The following CD300LG variants were observed in gnomAD, a reference collection of about 807,000 sequenced individuals.
CD300LG encodes CD300 molecule like family member g.
A neutral mutation model predicts 31.5 loss-of-function variants in CD300LG; 29 were observed. That is an observed-to-expected ratio of 0.92 (90% CI 0.68 to 1.25). The LOEUF is 1.25. CD300LG is among the 50% of genes most tolerant of loss of function. The pLI is 0.00. For missense variants in CD300LG, 396 were observed against 417.6 expected (o/e 0.95, Z 0.45); for synonymous variants, 175 against 177.2 (o/e 0.99, Z 0.10).
intron 2 of CD300LG, among the ~76,000 whole-genome samples, chr17:43,851,776 C>A (rs1418409055): frequency 6.6e-6 from 1 of 150,422 alleles, no homozygotes; most frequent in East Asian, 2.0e-4. Context: ...AGGATGGTCT[C>A]GATCTCCTGA....
chr17:43,859,540 A>G (rs2046611171), intron 6 of CD300LG, among the ~76,000 whole-genome samples: 1 of 152,228 alleles, frequency 6.6e-6, no homozygotes, highest in East Asian at 1.9e-4. Context: ...CTCTTTCCTC[A>G]AACTCAGTCA....
In CD300LG at chr17:43,857,456, C is replaced by G. The variant is rs565652128; in HGVS notation, c.885+300C>G. 85 of 1,537,168 alleles carry G rather than the reference C, an allele frequency of 5.5e-5. No homozygotes were observed. The African/African-American group carries it at 9.7e-4, about 18-fold the overall frequency. ...CTCCAGGCGCCTTCTTTCCATCCCC[C>G]CTTTTAGAATCACAGAACATCAGAG... On this transcript the variant is annotated intron_variant, in intron 6 of 6. Transcript: ENST00000317310.
At position 43,852,946 on chromosome 17, in the gene CD300LG, C is replaced by T; in HGVS notation, c.414C>T (p.Phe138=). The T allele has an allele frequency of 6.2e-7, 1 of 1,613,278 alleles. No individual in the cohort carries two copies. The highest frequency in any genetic ancestry group is 8.5e-7 in the Non-Finnish European group (1 of 1,179,636). Residue 138 remains phenylalanine, a synonymous_variant, in exon 3 of 7, where the codon TTC becomes TTT. Coordinates refer to ENST00000317310, the MANE Select transcript of CD300LG (RefSeq NM_145273.4). ...GTCCTCCCTCCCCTTCTCCCACCTT[C>T]CAGCCTCTGGCTACAACACGCCTGC... The part of the protein sequence containing the change: ...PCCPPSPSPT[F]QPLATTRLQP...
At chr17:43,855,632 G>T (rs1418808723) in intron 5 of CD300LG, 1 of 217,834 alleles carries the variant, frequency 4.6e-6, no homozygotes, top group African/African-American at 2.3e-5. Context: ...GGAACCAACT[G>T]CCAGGGGCAG....
chr17:43,853,777 G>T, intron 3 of CD300LG, 30 bp from the exon 4 acceptor site: 1 of 1,566,770 alleles, frequency 6.4e-7, no homozygotes, highest in Non-Finnish European at 8.8e-7. Flanking sequence ...GGTCAGGAAG[G>T]ATGCTGAGGC....
chr17:43,854,949 G>A (rs2046470038), intron 4 of CD300LG, among the ~76,000 whole-genome samples: 1 of 152,136 alleles, frequency 6.6e-6, no homozygotes, highest in African/African-American at 2.4e-5. Context: ...CTTATCCAAG[G>A]TATAGAAAGG....
chr17:43,848,212 A>C (rs2046240270), intron 1 of CD300LG, among the ~76,000 whole-genome samples: 1 of 152,192 alleles, frequency 6.6e-6, no homozygotes, highest in African/African-American at 2.4e-5. Context: ...ACTGCACTCC[A>C]GCCTGGGCGG....
chr17:43,861,283 G>A (rs1026493246), intron 6 of CD300LG: 6 of 985,198 alleles, frequency 6.1e-6, no homozygotes, highest in African/African-American at 5.2e-5. Context: ...GGGAAGGGAG[G>A]GGCTGAGGAG....
At position 43,857,901 on chromosome 17, in the gene CD300LG, G is replaced by A. The variant is rs564250114; in HGVS notation, c.885+745G>A. 12 of 1,536,558 alleles carry A rather than the reference G, an allele frequency of 7.8e-6. No homozygotes were observed. The Admixed American group carries it at 1.6e-4, about 20-fold the overall frequency. ...CTGGGGACCAGGGGCAAGAGAATAA[G>A]GGTCCCTGTGCCCATTGTCTGGAGC... On this transcript the variant is annotated intron_variant, in intron 6 of 6. Transcript: ENST00000317310.
At chr17:43,857,812 G>C (rs2046568866) in intron 6 of CD300LG, 1 of 1,537,272 alleles carries the variant, frequency 6.5e-7, no homozygotes, top group Non-Finnish European at 8.7e-7. Flanking sequence ...TTTTCTCTGA[G>C]CCTGCCTTGG....
rs551651195 is a variant in CD300LG, at chr17:43,861,015, G to A, written c.886-783G>A. ...CAGGAGCTTAGTATTCTCCCCTCCC[G>A]GCACCTCCCTGCCTTGCCCACCCCT... On this transcript the variant is annotated intron_variant, in intron 6 of 6. Coordinates refer to ENST00000317310, the MANE Select transcript of CD300LG (RefSeq NM_145273.4). 1.2e-3 allele frequency: 903 copies of A among 760,840 alleles called. 2 individuals carry two copies. The highest frequency in any genetic ancestry group is 3.6e-3 in the South Asian group (60 of 16,736). 47.1% of individuals were successfully genotyped at this position (760,840 alleles called of 1,614,324 possible).
chr17:43,858,348 C>T, intron 6 of CD300LG: 1 of 997,298 alleles, frequency 1.0e-6, no homozygotes, highest in Non-Finnish European at 1.2e-6. Context: ...CCTCCTGGCT[C>T]TGCGGGCTAG....
intron 2 of CD300LG, among the ~76,000 whole-genome samples, chr17:43,851,640 ATTTTTTTT>A (rs60784804): frequency 4.5e-5 from 5 of 111,866 alleles, no homozygotes; most frequent in Admixed American, 9.1e-5. Flanking sequence ...GAGGACAGGA[ATTTTTTTT>A]TTTTTTTTTT....
chr17:43,850,998 A>G (rs1009419421), intron 2 of CD300LG, among the ~76,000 whole-genome samples: 9 of 151,906 alleles, frequency 5.9e-5, no homozygotes, highest in Admixed American at 2.0e-4. Context: ...AGCCGGGCAT[A>G]GTGGCAGGTG....
At chr17:43,851,265 A>G (rs937692811) in intron 2 of CD300LG, among the ~76,000 whole-genome samples, 13 of 152,100 alleles carry the variant, frequency 8.5e-5, no homozygotes, top group African/African-American at 3.1e-4. Context: ...AGTGTTACAG[A>G]TTGAGTATCC....
chr17:43,854,263 C>T (rs761721308), intron 4 of CD300LG, among the ~76,000 whole-genome samples: 2 of 152,250 alleles, frequency 1.3e-5, no homozygotes, highest in African/African-American at 2.4e-5. Flanking sequence ...GTGAAGGGTC[C>T]ACCAGGATCC....
At chr17:43,858,381 G>C (rs1403929565) in intron 6 of CD300LG, 1 of 990,238 alleles carries the variant, frequency 1.0e-6, no homozygotes, top group African/African-American at 1.7e-5. Context: ...ACCCCACCTA[G>C]CTCCAGAAGA....
rs759032635 is a variant in CD300LG, at chr17:43,854,027, T to C, written c.702T>C (p.Ser234=). The C allele has an allele frequency of 6.2e-7, 1 of 1,613,948 alleles. No homozygotes were observed. Among genetic ancestry groups the C allele is most frequent in the South Asian group, 1.1e-5 (1 of 91,082 alleles). Residue 234 remains serine, a synonymous_variant, in exon 4 of 7, where the codon AGT becomes AGC. Coordinates refer to ENST00000317310, the MANE Select transcript of CD300LG (RefSeq NM_145273.4). ...SAEDTSPALS[S]GSSKPRVSIP... ...AGGACACCAGTCCAGCTCTCAGCAG[T>C]GGCAGCTCTAAGCCCAGGTGAGCCC...
In CD300LG at chr17:43,848,989, C is replaced by T. The variant is rs182410465; in HGVS notation, c.379+96C>T. The T allele has an allele frequency of 2.1e-5, 23 of 1,081,904 alleles. 2 individuals carry two copies. The South Asian group carries it at 3.2e-4, about 15-fold the overall frequency. The allele number at this position is 1,081,904 out of a possible 1,614,324, so 67.0% of individuals were successfully genotyped here. On this transcript the variant is annotated intron_variant, in intron 2 of 6. Transcript: ENST00000317310. Reference sequence around the variant, plus strand: ...ATAATCCTGGTACCAACATTATGGGCACTGAGTCCTCAGGGAGATCATGCA... The same window carrying T: ...ATAATCCTGGTACCAACATTATGGGTACTGAGTCCTCAGGGAGATCATGCA...
Sources: gnomAD v4.1 joint callset for allele counts (sites outside exome capture counted in the v4.1 genomes callset) on GRCh38, gnomAD v4.1.1 for gene constraint, MANE v1.5 for transcripts, NCBI Gene and HGNC (gene_info 2026-07-23, HGNC 2026-07-21) for gene names.